The following MFSD8 variants were observed in gnomAD, a reference collection of about 807,000 sequenced individuals.
MFSD8 encodes major facilitator superfamily domain containing 8, also known as major facilitator superfamily domain-containing protein 8.
A neutral mutation model predicts 66.4 loss-of-function variants in MFSD8; 55 were observed. The observed-to-expected ratio is 0.83, with a 90% confidence interval of 0.67 to 1.04. The LOEUF (loss-of-function observed/expected upper bound fraction) is 1.04, where lower values mean the gene tolerates loss of function less well. Ranked by LOEUF, MFSD8 falls within the 50% of genes least tolerant of loss-of-function variation. The pLI is 0.00. For synonymous variants in MFSD8, 202 were observed against 212.8 expected, an observed-to-expected ratio of 0.95 and a Z score of 0.44; for missense variants, 550 against 627.6, an observed-to-expected ratio of 0.88 and a Z score of 1.32.
At chr4:127,924,674 CTT>C (rs1389441673) in intron 9 of MFSD8, among the ~76,000 whole-genome samples, 2 of 152,068 alleles carry the variant, frequency 1.3e-5, no homozygotes, top group South Asian at 2.1e-4. Flanking sequence ...TCCAAAGTAA[CTT>C]ATGGATTCAA....
At chr4:127,963,628 C>T (rs1024873568) in intron 1 of MFSD8, among the ~76,000 whole-genome samples, 1 of 152,132 alleles carries the variant, frequency 6.6e-6, no homozygotes, top group African/African-American at 2.4e-5. Context: ...CGTTCCTCCC[C>T]GTGGTCTCGC....
intron 1 of MFSD8, among the ~76,000 whole-genome samples, chr4:127,963,597 G>T (rs1744214025): frequency 6.6e-6 from 1 of 152,196 alleles, no homozygotes; most frequent in Non-Finnish European, 1.5e-5. Flanking sequence ...CAACTCTTAA[G>T]GCGGCGCGTC....
At chr4:127,938,054 A>G (rs1308106395) in intron 7 of MFSD8, among the ~76,000 whole-genome samples, 2 of 152,154 alleles carry the variant, frequency 1.3e-5, no homozygotes, top group Non-Finnish European at 2.9e-5. Flanking sequence ...ATGAAAATGT[A>G]TATTTCTAAA....
chr4:127,932,079 C>T (rs1289612655), intron 8 of MFSD8, among the ~76,000 whole-genome samples: 1 of 152,178 alleles, frequency 6.6e-6, no homozygotes, highest in African/African-American at 2.4e-5. Context: ...CCACTGCACT[C>T]CAGCCTGGGT....
intron 6 of MFSD8, chr4:127,939,604 CAAAAAAAA>C (rs10553488): frequency 1.5e-4 from 12 of 81,114 alleles, no homozygotes; most frequent in South Asian, 6.2e-4. Context: ...GATCTTGTCT[CAAAAAAAA>C]AAAAAAAAAA....
At chr4:127,956,994 T>G (rs191327004) in intron 2 of MFSD8, among the ~76,000 whole-genome samples, 1 of 152,176 alleles carries the variant, frequency 6.6e-6, no homozygotes, top group Non-Finnish European at 1.5e-5. Flanking sequence ...TAGTCTTTCT[T>G]TTGTCAGCTT....
intron 1 of MFSD8, among the ~76,000 whole-genome samples, chr4:127,964,146 A>G (rs1037824659): frequency 6.6e-6 from 1 of 152,198 alleles, no homozygotes; most frequent in Non-Finnish European, 1.5e-5. Context: ...CCACGTCTCC[A>G]CCAGACTCAG....
At chr4:127,922,225 A>G (rs1363063081) in intron 9 of MFSD8, among the ~76,000 whole-genome samples, 1 of 152,232 alleles carries the variant, frequency 6.6e-6, no homozygotes, top group Non-Finnish European at 1.5e-5. Flanking sequence ...CTACTAGGTC[A>G]TGAGTCTTTT....
intron 3 of MFSD8, 103 bp from the exon 4 acceptor site, chr4:127,944,095 C>A: frequency 6.7e-7 from 1 of 1,499,536 alleles, no homozygotes; most frequent in Non-Finnish European, 9.2e-7. Context: ...AAAATAAAAA[C>A]AATTCTAACG....
chr4:127,965,249 G>A (rs954774774), upstream of MFSD8: 10 of 1,336,362 alleles, frequency 7.5e-6, no homozygotes, highest in Non-Finnish European at 1.1e-5. Context: ...GCACCTGACG[G>A]TCAGACGTAG....
intron 4 of MFSD8, among the ~76,000 whole-genome samples, chr4:127,943,101 C>T (rs1378338056): frequency 2.0e-5 from 3 of 151,944 alleles, no homozygotes; most frequent in African/African-American, 7.3e-5. Context: ...CCTGTAATCC[C>T]AGCTACTCGG....
rs1578986310 is a variant in MFSD8, at chr4:127,957,500, C to T, written c.154+1G>A. 2 of 1,586,848 alleles carry T rather than the reference C, an allele frequency of 1.3e-6. No individual in the cohort carries two copies. Among genetic ancestry groups the T allele is most frequent in the Non-Finnish European group, 1.7e-6 (2 of 1,155,946 alleles). ...TAAAATTATGTATTTCTAATACTTA[C>T]CTACACTGCTGAGAAACATAGTAAG... On this transcript the variant is annotated splice_donor_variant, in intron 2 of 11. Transcript: ENST00000641686. LOFTEE classifies it high-confidence loss of function.
chr4:127,961,821 A>AAT (rs1743822777), intron 1 of MFSD8, among the ~76,000 whole-genome samples: 1 of 30,808 alleles, frequency 3.2e-5, no homozygotes, highest in Admixed American at 4.6e-4. Flanking sequence ...ACTCCGTCTC[A>AAT]AAAAAAAAAA....
In MFSD8 at chr4:127,957,499, AC is replaced by A. The variant is rs1560776003; in HGVS notation, c.154+1del. On this transcript the variant is annotated splice_donor_variant, in intron 2 of 11. Coordinates refer to ENST00000641686, the MANE Select transcript of MFSD8 (RefSeq NM_001371596.2). LOFTEE classifies it high-confidence loss of function. ...TTAAAATTATGTATTTCTAATACTT[AC>A]CTACACTGCTGAGAAACATAGTAAG... 1 of 1,583,662 alleles carries A rather than the reference AC, an allele frequency of 6.3e-7. No homozygotes were observed.
chr4:127,926,421 C>T (rs1737223399), intron 9 of MFSD8, among the ~76,000 whole-genome samples: 1 of 150,014 alleles, frequency 6.7e-6, no homozygotes, highest in South Asian at 2.1e-4. Flanking sequence ...CAACATTTCC[C>T]CACTTCCCAG....
At chr4:127,943,694 C>T (rs1297220893) in intron 4 of MFSD8, 58 bp downstream of exon 4, 3 of 1,608,630 alleles carry the variant, frequency 1.9e-6, no homozygotes, top group Non-Finnish European at 2.6e-6. Flanking sequence ...AAAAGTGAGC[C>T]ATAAATGTCA....
Position 127,949,851 on chromosome 4 carries a change from TGAA to T in MFSD8, c.155-7_155-5del. 1 of 1,608,612 alleles carries T rather than the reference TGAA, an allele frequency of 6.2e-7. No individual in the cohort carries two copies. The highest frequency in any genetic ancestry group is 8.5e-7 in the Non-Finnish European group (1 of 1,177,044). On this transcript the variant is annotated splice_polypyrimidine_tract_variant and splice_region_variant and intron_variant, in intron 2 of 11. Coordinates refer to ENST00000641686, the MANE Select transcript of MFSD8 (RefSeq NM_001371596.2). ...GACATCATCACTACAGAAAACCCTG[TGAA>T]GAAGCAAACTAGGTTATTTATACTT...
chr4:127,934,151 G>C (rs528104691), intron 7 of MFSD8, among the ~76,000 whole-genome samples: 1 of 152,286 alleles, frequency 6.6e-6, no homozygotes, highest in Non-Finnish European at 1.5e-5. Flanking sequence ...GCTGAGGCAC[G>C]AGAATTGCTT....
intron 3 of MFSD8, among the ~76,000 whole-genome samples, chr4:127,947,898 A>ACACACACTCT (rs777137519): frequency 0.02 from 2,980 of 146,840 alleles, 110 homozygotes; most frequent in East Asian, 0.14. Context: ...ACACACACAC[A>ACACACACTCT]CTCTCTCTCC....
Sources: gnomAD v4.1 joint callset for allele counts (sites outside exome capture counted in the v4.1 genomes callset) on GRCh38, gnomAD v4.1.1 for gene constraint, MANE v1.5 for transcripts, NCBI Gene and HGNC (gene_info 2026-07-23, HGNC 2026-07-21) for gene names.